IVD: variants seen among roughly 807,000 people sequenced by gnomAD.
IVD encodes the protein isovaleryl-CoA dehydrogenase, also known as isovaleryl-CoA dehydrogenase, mitochondrial.
Under a neutral mutation model 51.3 loss-of-function variants are expected in IVD, and 31 were observed. The ratio of observed to expected loss-of-function variants is 0.60; its 90% CI spans 0.45 to 0.81. IVD has a LOEUF of 0.81. Among genes scored for constraint, IVD ranks in the 40% least tolerant of loss-of-function variants. IVD has a pLI of 0.00. For synonymous variants in IVD, 205 were observed against 219.4 expected, an observed-to-expected ratio of 0.93 and a Z score of 0.58; for missense variants, 475 against 552.0, an observed-to-expected ratio of 0.86 and a Z score of 1.40.
At chr15:40,429,389 C>CA (rs554791165), downstream of IVD, among the ~76,000 whole-genome samples, 335 of 152,242 alleles carry the variant, frequency 2.2e-3, no homozygotes, top group African/African-American at 7.7e-3. Flanking sequence ...AGTACGGGGC[C>CA]AAAAAAGTTT....
intron 7 of IVD, among the ~76,000 whole-genome samples, chr15:40,413,990 A>G (rs1166118067): frequency 6.6e-6 from 1 of 152,082 alleles, no homozygotes; most frequent in Non-Finnish European, 1.5e-5. Flanking sequence ...CCTTCTGAGT[A>G]GCTGGGATGA....
Position 40,418,831 on chromosome 15 carries a change from A to T in IVD, c.*568A>T, listed in dbSNP as rs1891996350. The stretch of plus-strand genomic sequence containing the variant: ...ACTTTCAGTCTCTTTTCTGGGGGAA[A>T]AAAATAATAAACCTAGCCTAGCCAG... On this transcript the variant is annotated 3_prime_UTR_variant, in exon 12 of 12. Coordinates refer to ENST00000487418, the MANE Select transcript of IVD (RefSeq NM_002225.5). The T allele has an allele frequency of 1.0e-6, 1 of 982,250 alleles. No homozygotes were observed. Among genetic ancestry groups the T allele is most frequent in the Non-Finnish European group, 1.3e-6 (1 of 790,812 alleles). The allele number at this position is 982,250 out of a possible 1,614,324, so 60.8% of individuals were successfully genotyped here.
In IVD at chr15:40,414,939, G is replaced by A; in HGVS notation, c.835G>A (p.Gly279Arg). The A allele has an allele frequency of 1.2e-6, 2 of 1,614,164 alleles. No homozygotes were observed. Among genetic ancestry groups the A allele is most frequent in the Non-Finnish European group, 1.7e-6 (2 of 1,180,018 alleles). Reference sequence around the variant, plus strand: ...TAAGGGTGTCTACGTGCTGATGAGTGGGCTGGACCTGGAGCGGCTGGTGCT... The same window carrying A: ...TAAGGGTGTCTACGTGCTGATGAGTAGGCTGGACCTGGAGCGGCTGGTGCT... ...ENKGVYVLMSGLDLERLVLAG... is the reference protein window; with the variant it reads ...ENKGVYVLMSRLDLERLVLAG... The change falls in exon 8 of 12, where the codon GGG becomes AGG. Residue 279 changes from glycine (G) to arginine (R), a missense_variant. Coordinates refer to ENST00000487418, the MANE Select transcript of IVD (RefSeq NM_002225.5).
intron 4 of IVD, 116 bp downstream of exon 4, chr15:40,410,913 C>A: frequency 1.5e-6 from 2 of 1,295,372 alleles, no homozygotes; most frequent in Non-Finnish European, 2.2e-6. Flanking sequence ...TGCCATGAAC[C>A]AAATGTGGTT....
At position 40,418,048 on chromosome 15, in the gene IVD, G is replaced by C; in HGVS notation, c.1139-82G>C. On this transcript the variant is annotated intron_variant, in intron 11 of 11. Coordinates refer to ENST00000487418, the MANE Select transcript of IVD (RefSeq NM_002225.5). ...TAATCACCCTCTCCTCCTGTGGCCT[G>C]TTTCTATATACTTGGCATTCTGTTT... 4 of 1,592,774 alleles carry C rather than the reference G, an allele frequency of 2.5e-6. No homozygotes were observed. The Admixed American group carries it at 6.9e-5, about 27-fold the overall frequency.
intron 4 of IVD, 104 bp from the exon 5 acceptor site, chr15:40,411,156 C>A: frequency 8.9e-7 from 1 of 1,120,674 alleles, no homozygotes; most frequent in Non-Finnish European, 1.4e-6. Context: ...GGTCTGAGAG[C>A]GAAGTTTGAA....
intron 7 of IVD, chr15:40,414,589 T>C (rs1288323930): frequency 7.9e-6 from 3 of 377,736 alleles, no homozygotes; most frequent in African/African-American, 2.1e-5. Flanking sequence ...GGGTGACTTC[T>C]AGACCAATTA....
chr15:40,425,966 A>ATTTTTTTTTTTTTTTTTT (rs35191817), downstream of IVD, among the ~76,000 whole-genome samples: 1 of 140,616 alleles, frequency 7.1e-6, no homozygotes, highest in Non-Finnish European at 1.5e-5. Context: ...CAGTCCGGCT[A>ATTTTTTTTTTTTTTTTTT]TTTTTTTTTT....
chr15:40,429,133 C>T (rs562158403), downstream of IVD, among the ~76,000 whole-genome samples: 2 of 152,326 alleles, frequency 1.3e-5, no homozygotes, highest in South Asian at 2.1e-4. Flanking sequence ...CCCATGGAAA[C>T]TTCATCTCTC....
intron 4 of IVD, among the ~76,000 whole-genome samples, chr15:40,411,043 G>C (rs547454646): frequency 6.6e-6 from 1 of 152,360 alleles, no homozygotes; most frequent in East Asian, 1.9e-4. Flanking sequence ...AAATGGAAGA[G>C]TAGGACTAGC....
In IVD at chr15:40,419,234, G is replaced by A. The variant is rs1253457606; in HGVS notation, c.*971G>A. On this transcript the variant is annotated 3_prime_UTR_variant, in exon 12 of 12. Transcript: ENST00000487418. ...ATGAACACATATGCTTGCTTGGCCA[G>A]GCAAGGTGGTGTGTGCCTGTAATCC... 3.1e-6 allele frequency: 4 copies of A among 1,289,202 alleles called. No individual in the cohort carries two copies. The highest frequency in any genetic ancestry group is 2.3e-5 in the Admixed American group (1 of 43,548). The allele number at this position is 1,289,202 out of a possible 1,614,324, so 79.9% of individuals were successfully genotyped here.
At chr15:40,409,359 C>T (rs1890802453) in intron 3 of IVD, among the ~76,000 whole-genome samples, 2 of 151,918 alleles carry the variant, frequency 1.3e-5, no homozygotes, top group South Asian at 2.1e-4. Flanking sequence ...CATGGTTACA[C>T]CATTGCACCC....
In IVD at chr15:40,416,190, C is replaced by T. The variant is rs1307655306; in HGVS notation, c.1065+8C>T. ...GGCCATTGCACTGCTAAGGTGAGGG[C>T]CAGCCTCAGTCGGGGAGAGGCGGGG... is the stretch of plus-strand genomic sequence containing the variant. On this transcript the variant is annotated splice_region_variant and intron_variant, in intron 10 of 11. Coordinates refer to ENST00000487418, the MANE Select transcript of IVD (RefSeq NM_002225.5). 2.5e-6 allele frequency: 4 copies of T among 1,613,588 alleles called. No individual in the cohort carries two copies. The highest frequency in any genetic ancestry group is 3.4e-6 in the Non-Finnish European group (4 of 1,179,444).
At chr15:40,407,847 C>A in intron 2 of IVD, 92 bp from the exon 3 acceptor site, 1 of 1,470,564 alleles carries the variant, frequency 6.8e-7, no homozygotes, top group Non-Finnish European at 9.5e-7. Flanking sequence ...CAGCCCCTCT[C>A]TCTGAAGTGT....
intron 6 of IVD, among the ~76,000 whole-genome samples, chr15:40,412,292 C>T (rs1315767983): frequency 6.6e-6 from 1 of 152,182 alleles, no homozygotes; most frequent in Non-Finnish European, 1.5e-5. Flanking sequence ...GGTGCAGGAA[C>T]CACTTGCCTA....
At chr15:40,429,545 C>G (rs1329473240) in intron 7 of IVD, among the ~76,000 whole-genome samples, 2 of 152,250 alleles carry the variant, frequency 1.3e-5, no homozygotes, top group African/African-American at 4.8e-5. Context: ...ATCCCCAGCA[C>G]TTTGCACTTG....
chr15:40,419,169 G>C lies in IVD; in HGVS notation c.*906G>C. The C allele has an allele frequency of 7.8e-7, 1 of 1,289,198 alleles. No homozygotes were observed. The highest frequency in any genetic ancestry group is 1.0e-6 in the Non-Finnish European group (1 of 988,834). 79.9% of individuals were successfully genotyped at this position (1,289,198 alleles called of 1,614,324 possible). On this transcript the variant is annotated 3_prime_UTR_variant, in exon 12 of 12. Transcript: ENST00000487418. ...ACAAAACAAAAAAACCCTGGCCCTT[G>C]TTTCTTCCAGTTTCTAGAGGTATCA...
At chr15:40,418,054 A>G in intron 11 of IVD, 76 bp from the exon 12 acceptor site, 4 of 1,598,632 alleles carry the variant, frequency 2.5e-6, no homozygotes, top group East Asian at 2.3e-5. Context: ...GCCTGTTTCT[A>G]TATACTTGGC....
downstream of IVD, chr15:40,424,320 A>G (rs996563466): frequency 8.6e-6 from 5 of 582,712 alleles, no homozygotes; most frequent in African/African-American, 2.0e-5. Context: ...TTCTTGTTGC[A>G]AGGAGTCCTC....
Sources: allele counts gnomAD v4.1 joint callset (sites outside exome capture counted in the v4.1 genomes callset), GRCh38; gene constraint gnomAD v4.1.1; transcripts MANE v1.5; gene names NCBI Gene and HGNC (gene_info 2026-07-23, HGNC 2026-07-21).